The following RAB11A variants were observed in gnomAD, a reference collection of about 807,000 sequenced individuals.
The protein encoded by RAB11A is RAB11A, member RAS oncogene family.
Under a neutral mutation model 28.0 loss-of-function variants are expected in RAB11A, and 9 were observed. The observed-to-expected ratio is 0.32, with a 90% confidence interval of 0.19 to 0.56. The LOEUF (loss-of-function observed/expected upper bound fraction) is 0.56, where lower values mean the gene tolerates loss of function less well. Ranked by LOEUF, RAB11A falls within the 20% of genes least tolerant of loss-of-function variation. RAB11A has a pLI of 0.91. For missense variants in RAB11A, 108 were observed against 269.6 expected (o/e 0.40, Z 4.20); for synonymous variants, 85 against 88.2 (o/e 0.96, Z 0.20).
In RAB11A at chr15:65,877,262, G is replaced by T; in HGVS notation, c.41-70G>T. On this transcript the variant is annotated intron_variant, in intron 1 of 4. Coordinates refer to ENST00000261890, the MANE Select transcript of RAB11A (RefSeq NM_004663.5). This position sits in a 1 kb window ranked among gnomAD's most constrained non-coding sequence, Gnocchi z 4.1. ...TTACTCTGAAGCCAAACTTCATTCTGTTGAAAGCATAGTGGTGTTCTGAAT... is the reference window on the plus strand; with the variant it reads ...TTACTCTGAAGCCAAACTTCATTCTTTTGAAAGCATAGTGGTGTTCTGAAT... 7 of 1,296,236 alleles carry T rather than the reference G, an allele frequency of 5.4e-6. No homozygotes were observed. Among genetic ancestry groups the T allele is most frequent in the Non-Finnish European group, 7.4e-6 (7 of 940,900 alleles). 80.3% of individuals were successfully genotyped at this position (1,296,236 alleles called of 1,614,324 possible). A position where few individuals can be genotyped will look rare whatever the true frequency, so the allele number is the denominator to read the frequency against.
At chr15:65,874,437 C>G (rs958924598) in intron 1 of RAB11A, among the ~76,000 whole-genome samples, 2 of 152,056 alleles carry the variant, frequency 1.3e-5, no homozygotes, top group Non-Finnish European at 2.9e-5. Flanking sequence ...GATGAGGTTT[C>G]TCCATGTTGG....
At position 65,877,231 on chromosome 15, in the gene RAB11A, C is replaced by A; in HGVS notation, c.41-101C>A. On this transcript the variant is annotated intron_variant, in intron 1 of 4. Coordinates refer to ENST00000261890, the MANE Select transcript of RAB11A (RefSeq NM_004663.5). The surrounding 1 kb of genome is among the most constrained non-coding windows in gnomAD (Gnocchi z 4.1). ...AAAGTCATATACCTTATTTTTCTTG[C>A]TTTATTTACTCTGAAGCCAAACTTC... 2.0e-6 allele frequency: 2 copies of A among 998,058 alleles called. No homozygotes were observed. The highest frequency in any genetic ancestry group is 2.9e-6 in the Non-Finnish European group (2 of 684,032). 61.8% of individuals were successfully genotyped at this position (998,058 alleles called of 1,614,324 possible).
intron 1 of RAB11A, among the ~76,000 whole-genome samples, chr15:65,872,422 G>A (rs1350859771): frequency 6.6e-6 from 1 of 151,668 alleles, no homozygotes; most frequent in African/African-American, 2.4e-5. Context: ...ATTCTGCTAA[G>A]GAGGATTTCT....
intron 4 of RAB11A, 116 bp from the exon 5 acceptor site, chr15:65,887,585 C>T: frequency 2.1e-6 from 2 of 967,922 alleles, no homozygotes; most frequent in Non-Finnish European, 1.4e-6. Flanking sequence ...TATGTATTCT[C>T]TGTTCAGTTT....
intron 3 of RAB11A, among the ~76,000 whole-genome samples, chr15:65,878,383 T>C (rs2078201721): frequency 6.6e-6 from 1 of 152,152 alleles, no homozygotes; most frequent in Non-Finnish European, 1.5e-5. Flanking sequence ...TTGTGCATTG[T>C]GGCTAGTGAA....
chr15:65,878,691 AAAAC>A (rs547547245), intron 3 of RAB11A, among the ~76,000 whole-genome samples: 76 of 152,316 alleles, frequency 5.0e-4, no homozygotes, highest in African/African-American at 1.8e-3. Context: ...AAAACAAAAC[AAAAC>A]AAACAAAAAA....
chr15:65,884,818 A>T (rs1010024394), intron 4 of RAB11A, among the ~76,000 whole-genome samples: 11 of 151,010 alleles, frequency 7.3e-5, no homozygotes, highest in African/African-American at 2.7e-4. Flanking sequence ...GGTAACTTCT[A>T]GCTGTCTGAT....
chr15:65,886,952 T>C (rs1185569667), intron 4 of RAB11A, among the ~76,000 whole-genome samples: 1 of 152,228 alleles, frequency 6.6e-6, no homozygotes, highest in Non-Finnish European at 1.5e-5. Flanking sequence ...TTATCTTTTT[T>C]TCCCTTCCAA....
intron 1 of RAB11A, among the ~76,000 whole-genome samples, chr15:65,869,855 G>T (rs2078147560): frequency 6.6e-6 from 1 of 152,176 alleles, no homozygotes; most frequent in Non-Finnish European, 1.5e-5. Context: ...GCTGGCCTCA[G>T]AGCCCCTCCC....
intron 1 of RAB11A, among the ~76,000 whole-genome samples, chr15:65,874,633 A>G (rs970580500): frequency 3.9e-5 from 6 of 152,188 alleles, no homozygotes; most frequent in African/African-American, 1.4e-4. Flanking sequence ...AATTGGTTAC[A>G]TTAAGAGAAA....
rs1349702295 is a variant in RAB11A, at chr15:65,877,195, A to G, written c.41-137A>G. On this transcript the variant is annotated intron_variant, in intron 1 of 4. Coordinates refer to ENST00000261890, the MANE Select transcript of RAB11A (RefSeq NM_004663.5). The surrounding 1 kb of genome is among the most constrained non-coding windows in gnomAD (Gnocchi z 4.1). ...ACATGCTGTTCAACCCCCTACCCCCATTCCTTTTTAAAAGTCATATACCTT... is the reference window on the plus strand; with the variant it reads ...ACATGCTGTTCAACCCCCTACCCCCGTTCCTTTTTAAAAGTCATATACCTT... 5.8e-6 allele frequency: 4 copies of G among 686,072 alleles called. No individual in the cohort carries two copies. The highest frequency in any genetic ancestry group is 9.8e-6 in the Non-Finnish European group (4 of 409,776). 42.5% of individuals were successfully genotyped at this position (686,072 alleles called of 1,614,324 possible). A position where few individuals can be genotyped will look rare whatever the true frequency, so the allele number is the denominator to read the frequency against.
chr15:65,887,453 T>A (rs972352675), intron 4 of RAB11A, among the ~76,000 whole-genome samples: 1 of 152,210 alleles, frequency 6.6e-6, no homozygotes, highest in Non-Finnish European at 1.5e-5. Context: ...AAGATTTATT[T>A]GACTGGTGAA....
intron 3 of RAB11A, among the ~76,000 whole-genome samples, chr15:65,878,623 A>G (rs1173080787): frequency 6.6e-6 from 1 of 151,246 alleles, no homozygotes; most frequent in African/African-American, 2.4e-5. Flanking sequence ...GCTTGCAGTG[A>G]GCCGAGATAG....
Position 65,877,828 on chromosome 15 carries a change from T to C in RAB11A, c.303T>C (p.Asn101=). 1 of 1,611,288 alleles carries C rather than the reference T, an allele frequency of 6.2e-7. No individual in the cohort carries two copies. ...YDIAKHLTYE[N]VERWLKELRD... ...TTGCTAAACATCTCACATATGAAAATGTAGAGCGATGGCTGAAAGAACTGA... is the reference window on the plus strand; with the variant it reads ...TTGCTAAACATCTCACATATGAAAACGTAGAGCGATGGCTGAAAGAACTGA... Residue 101 remains asparagine (N), a synonymous_variant, in exon 3 of 5, where the codon AAT becomes AAC. Transcript: ENST00000261890. The surrounding 1 kb of genome is among the most constrained non-coding windows in gnomAD (Gnocchi z 4.1).
At chr15:65,874,116 TTTTCAATG>T (rs2141101316) in intron 1 of RAB11A, among the ~76,000 whole-genome samples, 1 of 152,318 alleles carries the variant, frequency 6.6e-6, no homozygotes, top group East Asian at 1.9e-4. Context: ...GAGGCAGAAA[TTTTCAATG>T]GATAATTAAT....
At position 65,878,648 on chromosome 15, in the gene RAB11A, G is replaced by T. The variant is rs945460480; in HGVS notation, c.430+693G>T. ...AGCCGAGATAGCGCCACTGCAGTCC[G>T]GCCTGGGCGAAAGAGCGAGACTCCG... On this transcript the variant is annotated intron_variant, in intron 3 of 4. Transcript: ENST00000261890. Among the ~76,000 whole-genome samples the T allele has an allele frequency of 2.0e-5, 3 of 152,276 alleles. No homozygotes were observed. In the South Asian group the frequency reaches 6.2e-4, roughly 32 times the overall value.
rs1406559543 is a variant in RAB11A at position 65,887,895 on chromosome 15, A to T, written c.*55A>T. Reference sequence around the variant, plus strand: ...GTATAGTCCATTTCCCAGGTCTGAGATTTAAATATATTTGTAATTCTTGTG... The same window carrying T: ...GTATAGTCCATTTCCCAGGTCTGAGTTTTAAATATATTTGTAATTCTTGTG... On this transcript the variant is annotated 3_prime_UTR_variant, in exon 5 of 5. Coordinates refer to ENST00000261890, the MANE Select transcript of RAB11A (RefSeq NM_004663.5). 1.8e-5 allele frequency: 25 copies of T among 1,403,292 alleles called. No homozygotes were observed. Among genetic ancestry groups the T allele is most frequent in the Non-Finnish European group, 2.3e-5 (24 of 1,063,814 alleles). 86.9% of individuals were successfully genotyped at this position (1,403,292 alleles called of 1,614,324 possible).
intron 1 of RAB11A, among the ~76,000 whole-genome samples, chr15:65,876,587 A>ACTTGCTTTGGTTTTGACT (rs2078192823): frequency 1.3e-5 from 2 of 152,224 alleles, no homozygotes; most frequent in South Asian, 4.1e-4. Context: ...GTGAGCCACC[A>ACTTGCTTTGGTTTTGACT]CACCCGGCAC....
intron 3 of RAB11A, among the ~76,000 whole-genome samples, chr15:65,879,278 C>T (rs2078207349): frequency 6.6e-6 from 1 of 152,194 alleles, no homozygotes; most frequent in African/African-American, 2.4e-5. Context: ...TGCCAAAGTC[C>T]TGGGATTACA....
Sources: allele counts gnomAD v4.1 joint callset (sites outside exome capture counted in the v4.1 genomes callset), GRCh38; gene constraint gnomAD v4.1.1; non-coding constraint Gnocchi (gnomAD v3.1); transcripts MANE v1.5; gene names NCBI Gene and HGNC (gene_info 2026-07-23, HGNC 2026-07-21).